Variants in TSPAN5 observed in about 807,000 individuals in gnomAD.
TSPAN5 encodes the protein tetraspanin-5.
In TSPAN5, 10 loss-of-function variants were observed where a neutral mutation model predicts 37.1. The ratio of observed to expected loss-of-function variants is 0.27; its 90% confidence interval spans 0.17 to 0.46. TSPAN5 has a LOEUF of 0.46. TSPAN5 is among the 20% of genes least tolerant of loss of function. The pLI is 1.00. For missense variants in TSPAN5, 195 were observed against 326.6 expected (o/e 0.60, Z 3.11); for synonymous variants, 110 against 118.9 (o/e 0.93, Z 0.48).
chr4:98,575,867 C>T (rs983540853), intron 1 of TSPAN5, among the ~76,000 whole-genome samples: 1 of 151,082 alleles, frequency 6.6e-6, no homozygotes, highest in South Asian at 2.1e-4. Flanking sequence ...GTCAGGAGAT[C>T]GAGACCATCT....
intron 2 of TSPAN5, among the ~76,000 whole-genome samples, chr4:98,489,139 C>A (rs1344348587): frequency 1.3e-5 from 2 of 152,144 alleles, no homozygotes; most frequent in Non-Finnish European, 2.9e-5. Flanking sequence ...GAAGAGGTAG[C>A]AGTAGCAGAA....
At chr4:98,475,908 T>A (rs191100312) in intron 7 of TSPAN5, among the ~76,000 whole-genome samples, 2 of 151,890 alleles carry the variant, frequency 1.3e-5, no homozygotes, top group Non-Finnish European at 1.5e-5. Context: ...GAGAATGGCA[T>A]GAACCCAAGA....
chr4:98,487,206 G>A (rs547065270), intron 2 of TSPAN5, among the ~76,000 whole-genome samples: 10 of 146,034 alleles, frequency 6.8e-5, no homozygotes, highest in African/African-American at 1.5e-4. Flanking sequence ...ACATCTAAAC[G>A]TGTTCATATT....
intron 1 of TSPAN5, among the ~76,000 whole-genome samples, chr4:98,581,986 G>T (rs762934979): frequency 3.3e-4 from 50 of 152,162 alleles, no homozygotes; most frequent in Non-Finnish European, 5.9e-4. Flanking sequence ...GGATCTGGAA[G>T]TGGCCACCCC....
Position 98,631,691 on chromosome 4 carries a change from C to T in TSPAN5, c.81+26455G>A, listed in dbSNP as rs1756752118. 3.9e-5 allele frequency among the ~76,000 whole-genome samples: 6 copies of T among 152,272 alleles called. No individual in the cohort carries two copies. The South Asian group carries it at 1.0e-3, about 26-fold the overall frequency. The stretch of plus-strand genomic sequence containing the variant: ...TATAGGATCTGATAAAAATTATCTT[C>T]AGACTAGTGGTGTCATAAAAACCCC... On this transcript the variant is annotated intron_variant, in intron 1 of 7. Transcript: ENST00000305798.
At chr4:98,564,777 C>T (rs1005602747) in intron 1 of TSPAN5, among the ~76,000 whole-genome samples, 10 of 151,802 alleles carry the variant, frequency 6.6e-5, no homozygotes, top group African/African-American at 2.4e-4. Context: ...TCACTGCAGG[C>T]TTCGCCCCCT....
At chr4:98,648,618 GT>G (rs2110287789) in intron 1 of TSPAN5, among the ~76,000 whole-genome samples, 1 of 152,258 alleles carries the variant, frequency 6.6e-6, no homozygotes, top group African/African-American at 2.4e-5. Context: ...ATAAACTGGC[GT>G]TTTTGGATTA....
intron 1 of TSPAN5, among the ~76,000 whole-genome samples, chr4:98,551,492 C>CTTTTTTTTT (rs35415457): frequency 8.1e-4 from 75 of 92,222 alleles, no homozygotes; most frequent in East Asian, 1.7e-3. Flanking sequence ...TTTTTCTTTT[C>CTTTTTTTTT]TTTTTTTTTT....
At chr4:98,561,938 G>C (rs1754890017) in intron 1 of TSPAN5, among the ~76,000 whole-genome samples, 1 of 152,158 alleles carries the variant, frequency 6.6e-6, no homozygotes, top group African/African-American at 2.4e-5. Context: ...ATTAGCTGTG[G>C]GCAGGCACAT....
chr4:98,613,179 A>G (rs1001792584), intron 1 of TSPAN5, among the ~76,000 whole-genome samples: 2 of 151,732 alleles, frequency 1.3e-5, no homozygotes, highest in African/African-American at 4.9e-5. Flanking sequence ...TCAGATGCAC[A>G]ATGCCCTTTT....
intron 1 of TSPAN5, among the ~76,000 whole-genome samples, chr4:98,632,017 G>A (rs575354807): frequency 3.9e-5 from 6 of 152,150 alleles, no homozygotes; most frequent in East Asian, 1.9e-4. Flanking sequence ...CTGAGCCCCC[G>A]CTAAACACAC....
At chr4:98,560,365 T>C (rs1373592178) in intron 1 of TSPAN5, 1 of 152,258 alleles carries the variant, frequency 6.6e-6, no homozygotes, top group African/African-American at 2.4e-5. Context: ...AACTTTAATA[T>C]ATTTACTACA....
At chr4:98,533,566 C>G (rs1056227106) in intron 1 of TSPAN5, among the ~76,000 whole-genome samples, 8 of 41,898 alleles carry the variant, frequency 1.9e-4, no homozygotes, top group East Asian at 6.3e-4. Context: ...TTTTTTTTTT[C>G]TTGAGACAGA....
chr4:98,620,463 C>A (rs1037186861), intron 1 of TSPAN5, among the ~76,000 whole-genome samples: 1 of 152,180 alleles, frequency 6.6e-6, no homozygotes, highest in Admixed American at 6.5e-5. Context: ...CTCACTAGGC[C>A]GTCTCTATTC....
At chr4:98,545,572 C>A (rs1393233112) in intron 1 of TSPAN5, among the ~76,000 whole-genome samples, 2 of 152,084 alleles carry the variant, frequency 1.3e-5, no homozygotes, top group Admixed American at 1.3e-4. Flanking sequence ...CTCTGTCACC[C>A]AGGCTGGAGT....
intron 1 of TSPAN5, among the ~76,000 whole-genome samples, chr4:98,545,466 A>G (rs573962725): frequency 1.0e-3 from 157 of 151,936 alleles, no homozygotes; most frequent in African/African-American, 3.5e-3. Context: ...CAATATATAT[A>G]TTTTTTCATT....
At chr4:98,513,221 A>G (rs1359127154) in intron 1 of TSPAN5, among the ~76,000 whole-genome samples, 1 of 149,838 alleles carries the variant, frequency 6.7e-6, no homozygotes, top group African/African-American at 2.4e-5. Context: ...GTTTGCAATT[A>G]GAGACACGAG....
At chr4:98,653,499 T>C (rs1757233743) in intron 1 of TSPAN5, among the ~76,000 whole-genome samples, 2 of 152,152 alleles carry the variant, frequency 1.3e-5, no homozygotes, top group Non-Finnish European at 2.9e-5. Flanking sequence ...ACCGTTTCCA[T>C]TGAGTTCTTT....
rs570972724 is a variant in TSPAN5, at chr4:98,545,980, T to C, written c.82-38252A>G. ...AATTTACCACAGACACATAGTAACA[T>C]TGAACAAATGTTTGCTATTAATATT... On this transcript the variant is annotated intron_variant, in intron 1 of 7. Coordinates refer to ENST00000305798, the MANE Select transcript of TSPAN5 (RefSeq NM_005723.4). Among the ~76,000 whole-genome samples, 81 of 151,912 alleles carry C rather than the reference T, an allele frequency of 5.3e-4. 1 individual carries two copies. The South Asian group carries it at 0.014, about 27-fold the overall frequency.
Sources: gnomAD v4.1 joint callset for allele counts (sites outside exome capture counted in the v4.1 genomes callset) on GRCh38, gnomAD v4.1.1 for gene constraint, MANE v1.5 for transcripts, NCBI Gene and HGNC (gene_info 2026-07-23, HGNC 2026-07-21) for gene names.